The following RP1 variants were observed in gnomAD, a reference collection of about 807,000 sequenced individuals.
The protein encoded by RP1 is oxygen-regulated protein 1.
In RP1, 16 loss-of-function variants were observed where a neutral mutation model predicts 14.8. The observed-to-expected ratio is 1.08, with a 90% confidence interval of 0.73 to 1.65. The LOEUF (loss-of-function observed/expected upper bound fraction) is 1.65, where lower values mean the gene tolerates loss of function less well. RP1 is among the 40% of genes most tolerant of loss of function. The pLI is 0.00. For synonymous variants in RP1, 876 were observed against 883.6 expected (o/e 0.99, Z 0.15); for missense variants, 2,631 against 2,535.0 (o/e 1.04, Z -0.81).
chr8:54,778,959 G>A (rs1178309213), intron 23 of RP1, among the ~76,000 whole-genome samples: 5 of 152,154 alleles, frequency 3.3e-5, no homozygotes, highest in African/African-American at 1.2e-4. Context: ...TATTTATTCC[G>A]ACCTCTCCTC....
chr8:54,647,982 G>A (rs1806582544), intron 3 of RP1, among the ~76,000 whole-genome samples: 2 of 152,120 alleles, frequency 1.3e-5, no homozygotes, highest in African/African-American at 4.8e-5. Context: ...TTGGATCATG[G>A]GGATGGTTTC....
chr8:54,791,822 GA>G (rs1220288524), intron 24 of RP1, among the ~76,000 whole-genome samples: 1 of 151,898 alleles, frequency 6.6e-6, no homozygotes, highest in Non-Finnish European at 1.5e-5. Flanking sequence ...AATATAATCA[GA>G]AAATTAACCA....
At chr8:54,565,227 G>A (rs868456041) in intron 1 of RP1, among the ~76,000 whole-genome samples, 6 of 152,156 alleles carry the variant, frequency 3.9e-5, no homozygotes, top group African/African-American at 1.4e-4. Context: ...GCAAGGTCCA[G>A]GAAGACAGAT....
intron 24 of RP1, among the ~76,000 whole-genome samples, chr8:54,815,772 G>T (rs1811121285): frequency 6.6e-6 from 1 of 152,142 alleles, no homozygotes; most frequent in Non-Finnish European, 1.5e-5. Flanking sequence ...TTTAAAAATA[G>T]ATGTCTGACT....
At chr8:54,718,031 T>C (rs1808446175) in intron 15 of RP1, among the ~76,000 whole-genome samples, 1 of 152,070 alleles carries the variant, frequency 6.6e-6, no homozygotes, top group African/African-American at 2.4e-5. Flanking sequence ...ATATTCTGGA[T>C]CTCTATGTGG....
rs895109250 is a variant in RP1, at chr8:54,630,461, A to G, written c.*108A>G. ...CCTCTAAGAATTTTCCACTTCTTCA[A>G]AATGAACTTACTCTAGAAAGCTTAC... On this transcript the variant is annotated 3_prime_UTR_variant, in exon 4 of 4. Transcript: ENST00000220676. 5 of 1,531,474 alleles carry G rather than the reference A, an allele frequency of 3.3e-6. No homozygotes were observed. In the South Asian group the frequency reaches 3.8e-5, roughly 12 times the overall value. 94.9% of individuals were successfully genotyped at this position (1,531,474 alleles called of 1,614,324 possible). A position where few individuals can be genotyped will look rare whatever the true frequency, so the allele number is the denominator to read the frequency against.
chr8:54,770,084 A>T (rs1157525443), downstream of RP1: 4 of 425,288 alleles, frequency 9.4e-6, no homozygotes, highest in Non-Finnish European at 1.7e-5. Flanking sequence ...GTCATCAGAC[A>T]GATCTGTTAT....
At chr8:54,757,829 A>T (rs1319198746) in intron 21 of RP1, among the ~76,000 whole-genome samples, 1 of 152,222 alleles carries the variant, frequency 6.6e-6, no homozygotes, top group Non-Finnish European at 1.5e-5. Flanking sequence ...CGTGCTGAGA[A>T]TGCAGGACAG....
chr8:54,756,398 A>G (rs1433439758), intron 21 of RP1, among the ~76,000 whole-genome samples: 1 of 152,222 alleles, frequency 6.6e-6, no homozygotes, highest in Non-Finnish European at 1.5e-5. Flanking sequence ...TTTAAGAAAG[A>G]AGACTCCTTA....
intron 7 of RP1, chr8:54,673,706 C>T (rs1276655916): frequency 2.5e-5 from 17 of 668,832 alleles, no homozygotes; most frequent in South Asian, 1.8e-4. Context: ...TGTCATTGCA[C>T]TCCAGCCTGG....
chr8:54,842,546 A>G (rs966730210), intron 25 of RP1, among the ~76,000 whole-genome samples: 4 of 151,984 alleles, frequency 2.6e-5, no homozygotes, highest in Non-Finnish European at 4.4e-5. Context: ...ACTACACTAA[A>G]TTCATTCCTT....
At chr8:54,615,291 G>A (rs1041957670), upstream of RP1, among the ~76,000 whole-genome samples, 2 of 152,182 alleles carry the variant, frequency 1.3e-5, no homozygotes, top group Non-Finnish European at 2.9e-5. Context: ...TGTGATTGGT[G>A]TGGAGACAAC....
intron 12 of RP1, among the ~76,000 whole-genome samples, chr8:54,688,688 C>A (rs184945138): frequency 2.6e-5 from 4 of 152,228 alleles, no homozygotes; most frequent in African/African-American, 9.6e-5. Flanking sequence ...GTTTTGGTAC[C>A]AGTACCATGC....
At chr8:54,592,704 A>T (rs1315722083) in intron 1 of RP1, among the ~76,000 whole-genome samples, 2 of 152,166 alleles carry the variant, frequency 1.3e-5, no homozygotes, top group African/African-American at 4.8e-5. Context: ...TTGCTAAATT[A>T]GTCCAGTTGC....
At chr8:54,624,630 A>G (rs781420448) in intron 3 of RP1, 40 bp from the exon 4 acceptor site, 14 of 1,605,798 alleles carry the variant, frequency 8.7e-6, no homozygotes, top group Admixed American at 5.0e-5. Flanking sequence ...TCCATATTAT[A>G]TTTTGATGTG....
chr8:54,640,125 T>C (rs565804145), intron 3 of RP1, among the ~76,000 whole-genome samples: 5 of 151,778 alleles, frequency 3.3e-5, no homozygotes, highest in African/African-American at 1.2e-4. Flanking sequence ...TTTTTTTTTT[T>C]AAATATACTG....
chr8:54,672,797 T>C (rs987420061), intron 7 of RP1, among the ~76,000 whole-genome samples: 1 of 152,212 alleles, frequency 6.6e-6, no homozygotes, highest in South Asian at 2.1e-4. Flanking sequence ...TTATCTCAAC[T>C]TTCCTTGAGG....
rs1172090867 is a variant in RP1, at chr8:54,781,109, T to C, written c.3452-2438T>C. 3.5e-6 allele frequency: 3 copies of C among 859,798 alleles called. No homozygotes were observed. In the African/African-American group the frequency reaches 5.5e-5, roughly 16 times the overall value. The allele number at this position is 859,798 out of a possible 1,614,324, so 53.3% of individuals were successfully genotyped here. On this transcript the variant is annotated intron_variant, in intron 23 of 28. Transcript: ENST00000637698. Reference sequence around the variant, plus strand: ...CAAGAAAATTTCCTTTTATCTACAGTAGGGTTTATTTAAATGAAAGACATT... The same window carrying C: ...CAAGAAAATTTCCTTTTATCTACAGCAGGGTTTATTTAAATGAAAGACATT...
At chr8:54,810,864 T>C (rs1437525341) in intron 24 of RP1, among the ~76,000 whole-genome samples, 1 of 152,172 alleles carries the variant, frequency 6.6e-6, no homozygotes, top group Non-Finnish European at 1.5e-5. Flanking sequence ...AGGCAGAACC[T>C]GTTAGCAGGC....
Sources: gnomAD v4.1 joint callset for allele counts (sites outside exome capture counted in the v4.1 genomes callset) on GRCh38, gnomAD v4.1.1 for gene constraint, MANE v1.5 for transcripts, NCBI Gene and HGNC (gene_info 2026-07-23, HGNC 2026-07-21) for gene names.